The following PRUNE2 variants were observed in gnomAD, a reference collection of about 807,000 sequenced individuals.
PRUNE2 encodes the protein protein prune homolog 2.
PRUNE2 carries 164 observed loss-of-function variants against 252.0 expected under a neutral mutation model. The ratio of observed to expected loss-of-function variants is 0.65; its 90% confidence interval spans 0.57 to 0.74. The LOEUF is 0.74. Ranked by LOEUF, PRUNE2 falls within the 30% of genes least tolerant of loss-of-function variation. The probability of loss-of-function intolerance (pLI) is 0.00; values close to 1 mark genes in which losing one functional copy is unlikely to be tolerated. For missense variants in PRUNE2, 3,495 were observed against 3,711.0 expected (o/e 0.94, Z 1.51); for synonymous variants, 1,292 against 1,350.2 (o/e 0.96, Z 0.94).
chr9:76,720,787 T>C (rs2047570083), intron 6 of PRUNE2, among the ~76,000 whole-genome samples: 10 of 152,190 alleles, frequency 6.6e-5, no homozygotes. Context: ...GTGATTTACA[T>C]GTAAAATTCT....
chr9:76,662,928 A>G (rs2039389156), intron 9 of PRUNE2, among the ~76,000 whole-genome samples: 1 of 148,394 alleles, frequency 6.7e-6, no homozygotes, highest in South Asian at 2.1e-4. Context: ...AAACAGAGAT[A>G]AAAAGAAAAA....
At chr9:76,869,463 TTCTC>T (rs530343931) in intron 1 of PRUNE2, among the ~76,000 whole-genome samples, 6 of 151,732 alleles carry the variant, frequency 4.0e-5, no homozygotes, top group Non-Finnish European at 2.9e-5. Context: ...CGTTCTCTCT[TTCTC>T]TCTCTCTCTC....
chr9:76,851,995 C>T (rs192088743), intron 2 of PRUNE2, among the ~76,000 whole-genome samples: 2 of 152,194 alleles, frequency 1.3e-5, no homozygotes. Context: ...ACTCTCACAC[C>T]ATCACCAGCT....
At chr9:76,867,481 G>A (rs2060917273) in intron 1 of PRUNE2, among the ~76,000 whole-genome samples, 2 of 152,166 alleles carry the variant, frequency 1.3e-5, no homozygotes, top group Admixed American at 1.3e-4. Context: ...GAGCTGTCAG[G>A]TTGATTCAGT....
At chr9:76,776,518 C>T (rs74544887) in intron 6 of PRUNE2, among the ~76,000 whole-genome samples, 171 of 122,310 alleles carry the variant, frequency 1.4e-3, no homozygotes, top group Non-Finnish European at 1.5e-3. Flanking sequence ...TTTCTTTTTT[C>T]TTTTTTTTTT....
chr9:76,894,425 A>AG (rs1006473168), intron 1 of PRUNE2, among the ~76,000 whole-genome samples: 8 of 152,210 alleles, frequency 5.3e-5, no homozygotes, highest in African/African-American at 1.9e-4. Flanking sequence ...AGAGAGGACC[A>AG]GGGACACTGC....
At chr9:76,854,334 A>G in intron 1 of PRUNE2, 126 bp from the exon 2 acceptor site, 1 of 481,108 alleles carries the variant, frequency 2.1e-6, no homozygotes, top group Non-Finnish European at 3.7e-6. Flanking sequence ...TCATAAATTT[A>G]TCATGAAGTT....
chr9:76,621,065 T>C (rs923841045), intron 17 of PRUNE2, among the ~76,000 whole-genome samples: 9 of 151,998 alleles, frequency 5.9e-5, no homozygotes, highest in Middle Eastern at 3.2e-3. Flanking sequence ...AGTGGTGGTA[T>C]GTGTGTGTGT....
At chr9:76,881,209 A>G (rs575431615) in intron 1 of PRUNE2, among the ~76,000 whole-genome samples, 6 of 151,960 alleles carry the variant, frequency 3.9e-5, no homozygotes, top group African/African-American at 1.4e-4. Context: ...CTCGTGATCC[A>G]CCCGCCTTGG....
At position 76,831,996 on chromosome 9, in the gene PRUNE2, CA is replaced by C. The variant is rs2058699013; in HGVS notation, c.509-5265del. Among the ~76,000 whole-genome samples, 20 of 152,096 alleles carry C rather than the reference CA, an allele frequency of 1.3e-4. No homozygotes were observed. The South Asian group carries it at 3.9e-3, about 30-fold the overall frequency. On this transcript the variant is annotated intron_variant, in intron 4 of 18. Coordinates refer to ENST00000376718, the MANE Select transcript of PRUNE2 (RefSeq NM_015225.3). ...ATATCAAACAAAACGGACTACAAAA[CA>C]AGAAGAATTACATGAGATTAAGATA...
intron 1 of PRUNE2, among the ~76,000 whole-genome samples, chr9:76,905,590 C>T (rs187504234): frequency 1.6e-3 from 249 of 152,282 alleles, no homozygotes; most frequent in Non-Finnish European, 2.8e-3. Flanking sequence ...GAAGGCTGGG[C>T]TCTTTATCTC....
intron 1 of PRUNE2, among the ~76,000 whole-genome samples, chr9:76,881,444 T>C (rs1430997003): frequency 2.0e-5 from 3 of 152,210 alleles, no homozygotes; most frequent in African/African-American, 4.8e-5. Context: ...AAATTAACCA[T>C]TTTAAAGTGA....
At position 76,629,292 on chromosome 9, in the gene PRUNE2, T is replaced by TAAAA; in HGVS notation, c.9051-6_9051-3dup. On this transcript the variant is annotated splice_region_variant and splice_polypyrimidine_tract_variant and intron_variant, in intron 15 of 18. Coordinates refer to ENST00000376718, the MANE Select transcript of PRUNE2 (RefSeq NM_015225.3). Reference sequence around the variant, plus strand: ...TTAATTTTACTGCTGAATTTTGAACTAAAAAAAAAAAAAAGAAAAAAATAT... The same window carrying TAAAA: ...TTAATTTTACTGCTGAATTTTGAACTAAAAAAAAAAAAAAAAAAGAAAAAAATAT... 8.6e-7 allele frequency: 1 copy of TAAAA among 1,161,066 alleles called. No individual in the cohort carries two copies. The highest frequency in any genetic ancestry group is 1.2e-6 in the Non-Finnish European group (1 of 839,742). The allele number at this position is 1,161,066 out of a possible 1,614,324, so 71.9% of individuals were successfully genotyped here.
chr9:76,768,623 G>GTGTGTGTGTGTGTA (rs1491356086), intron 6 of PRUNE2, among the ~76,000 whole-genome samples: 3 of 130,152 alleles, frequency 2.3e-5, no homozygotes, highest in African/African-American at 8.3e-5. Context: ...GTGTGTGTGT[G>GTGTGTGTGTGTGTA]TATATCCCTG....
chr9:76,729,196 C>T (rs1407925015), intron 6 of PRUNE2, among the ~76,000 whole-genome samples: 1 of 152,186 alleles, frequency 6.6e-6, no homozygotes, highest in African/African-American at 2.4e-5. Flanking sequence ...TCTCCAGGTG[C>T]TGTCTTTAGG....
chr9:76,694,107 C>T (rs2045123860), intron 9 of PRUNE2, among the ~76,000 whole-genome samples: 1 of 152,114 alleles, frequency 6.6e-6, no homozygotes, highest in Admixed American at 6.5e-5. Flanking sequence ...CTTCCTTCCC[C>T]ATTTGGGAAA....
At chr9:76,682,853 T>C (rs560462516) in intron 9 of PRUNE2, among the ~76,000 whole-genome samples, 1 of 152,330 alleles carries the variant, frequency 6.6e-6, no homozygotes, top group South Asian at 2.1e-4. Context: ...TTCTTTTAAC[T>C]ATTTTAAAAA....
chr9:76,868,062 C>T (rs1442192213), intron 1 of PRUNE2, among the ~76,000 whole-genome samples: 3 of 152,106 alleles, frequency 2.0e-5, no homozygotes, highest in African/African-American at 4.8e-5. Context: ...CATGTCATTC[C>T]TTTTTCCCGT....
intron 6 of PRUNE2, among the ~76,000 whole-genome samples, chr9:76,801,565 C>T (rs770845569): frequency 2.0e-5 from 3 of 151,806 alleles, no homozygotes; most frequent in Non-Finnish European, 2.9e-5. Flanking sequence ...AATCTAAAAA[C>T]GAACATACCT....
Sources: allele counts gnomAD v4.1 joint callset (sites outside exome capture counted in the v4.1 genomes callset), GRCh38; gene constraint gnomAD v4.1.1; transcripts MANE v1.5; gene names NCBI Gene and HGNC (gene_info 2026-07-23, HGNC 2026-07-21).